The following DMBT1 variants were observed in gnomAD, a reference collection of about 807,000 sequenced individuals.
DMBT1 encodes deleted in malignant brain tumors 1.
DMBT1 carries 198 observed loss-of-function variants against 252.9 expected under a neutral mutation model. The ratio of observed to expected loss-of-function variants is 0.78; its 90% CI spans 0.70 to 0.88. DMBT1 has a LOEUF of 0.88. Ranked by LOEUF, DMBT1 falls within the 40% of genes least tolerant of loss-of-function variation. The pLI, the probability that DMBT1 is intolerant of heterozygous loss-of-function variation, is 0.00. For missense variants in DMBT1, 2,432 were observed against 2,404.7 expected, an observed-to-expected ratio of 1.01 and a Z score of -0.24; for synonymous variants, 990 against 942.7, an observed-to-expected ratio of 1.05 and a Z score of -0.92.
intron 55 of DMBT1, 74 bp from the exon 56 acceptor site, chr10:122,643,048 T>G: frequency 1.3e-6 from 2 of 1,567,704 alleles, no homozygotes; most frequent in Non-Finnish European, 1.7e-6. Context: ...GTGGAGTTCC[T>G]CACCTGGTAC....
At chr10:122,639,238 T>C (rs1035357911) in intron 54 of DMBT1, among the ~76,000 whole-genome samples, 2 of 152,256 alleles carry the variant, frequency 1.3e-5, no homozygotes, top group Non-Finnish European at 2.9e-5. Flanking sequence ...CAAATGATCA[T>C]GTTAATGTAC....
At chr10:122,635,525 A>G (rs2098219565) in intron 52 of DMBT1, among the ~76,000 whole-genome samples, 2 of 152,080 alleles carry the variant, frequency 1.3e-5, no homozygotes, top group African/African-American at 2.4e-5. Flanking sequence ...AAGGATACCT[A>G]TGACTTTCTT....
intron 24 of DMBT1, among the ~76,000 whole-genome samples, chr10:122,597,673 G>A (rs1472413476): frequency 1.3e-5 from 2 of 152,204 alleles, no homozygotes; most frequent in Admixed American, 6.5e-5. Flanking sequence ...TAGAGTGTCA[G>A]CAATGGTGTT....
chr10:122,597,518 G>C (rs945829473), intron 24 of DMBT1, among the ~76,000 whole-genome samples: 2 of 152,192 alleles, frequency 1.3e-5, no homozygotes, highest in African/African-American at 4.8e-5. Flanking sequence ...AGATTCTGCA[G>C]GGCTACATGT....
At chr10:122,619,021 C>G (rs999925697) in intron 41 of DMBT1, among the ~76,000 whole-genome samples, 2 of 152,214 alleles carry the variant, frequency 1.3e-5, no homozygotes, top group Non-Finnish European at 2.9e-5. Context: ...CTTGCTGACT[C>G]AGGAACTGCC....
chr10:122,640,269 C>T lies in DMBT1; in HGVS notation c.7172C>T (p.Ser2391Phe), dbSNP rs267602398. The T allele has an allele frequency of 1.2e-6, 2 of 1,614,010 alleles. No individual in the cohort carries two copies. The highest frequency in any genetic ancestry group is 1.7e-6 in the Non-Finnish European group (2 of 1,179,896). The change falls in exon 55 of 56, where the codon TCC (serine) becomes TTC (phenylalanine). Residue 2391 changes from serine to phenylalanine, a missense_variant. Coordinates refer to ENST00000338354, the MANE Select transcript of DMBT1 (RefSeq NM_001377530.1). ...NFDVNISFYT[S>F]SSFLYPVTSR... is the part of the protein sequence containing the mutation. ...GACGTGAACATTTCCTTTTATACTTCCTCATCTTTCTTGTATCCTGTGACC... is the reference window on the plus strand; with the variant it reads ...GACGTGAACATTTCCTTTTATACTTTCTCATCTTTCTTGTATCCTGTGACC...
Position 122,573,628 on chromosome 10 carries a change from C to T in DMBT1, c.236-87C>T, listed in dbSNP as rs73359677. On this transcript the variant is annotated intron_variant, in intron 5 of 55. Coordinates refer to ENST00000338354, the MANE Select transcript of DMBT1 (RefSeq NM_001377530.1). The stretch of plus-strand genomic sequence containing the variant: ...TGCCCTTAGGACCTGTGCTTCCAGC[C>T]CTTGCTTCAGAGCTGAGCAAGCCCT... The T allele has an allele frequency of 1.2e-3, 1,868 of 1,496,424 alleles. 18 individuals carry two copies. In the African/African-American group the frequency reaches 0.023, roughly 18 times the overall value. The allele number at this position is 1,496,424 out of a possible 1,614,324, so 92.7% of individuals were successfully genotyped here. A position where few individuals can be genotyped will look rare whatever the true frequency, so the allele number is the denominator to read the frequency against.
At chr10:122,561,599 A>G (rs2097546978) in intron 1 of DMBT1, among the ~76,000 whole-genome samples, 1 of 65,822 alleles carries the variant, frequency 1.5e-5, no homozygotes, top group African/African-American at 4.7e-5. Context: ...TCTCTTATCT[A>G]TTGTGTAGTT....
rs776074477 is a variant in DMBT1 at position 122,643,467 on chromosome 10, C to G, written c.*69C>G. On this transcript the variant is annotated 3_prime_UTR_variant, in exon 56 of 56. Transcript: ENST00000338354. ...TGACTCGGGGACTTGGGATGTTCCT[C>G]TTGGTGTCATATTCCAACTCAGATT... The G allele has an allele frequency of 2.3e-5, 35 of 1,524,146 alleles. No individual in the cohort carries two copies. Among genetic ancestry groups the G allele is most frequent in the Middle Eastern group, 2.3e-4 (1 of 4,432 alleles). 94.4% of individuals were successfully genotyped at this position (1,524,146 alleles called of 1,614,324 possible).
At chr10:122,642,664 T>C (rs762663568) in intron 55 of DMBT1, among the ~76,000 whole-genome samples, 28 of 152,052 alleles carry the variant, frequency 1.8e-4, no homozygotes, top group Non-Finnish European at 2.8e-4. Context: ...GTCAGGGCAC[T>C]GTACTCAGAG....
chr10:122,572,239 C>T, intron 4 of DMBT1, 75 bp from the exon 5 acceptor site: 4 of 1,589,174 alleles, frequency 2.5e-6, no homozygotes, highest in Non-Finnish European at 2.6e-6. Context: ...TTGCTTCAGA[C>T]CTGAGGAAGC....
intron 4 of DMBT1, 37 bp downstream of exon 4, chr10:122,570,974 A>AC: frequency 6.3e-7 from 1 of 1,594,956 alleles, no homozygotes; most frequent in East Asian, 2.2e-5. Context: ...TGGGCTCATT[A>AC]CCCCACTGCA....
At chr10:122,631,406 C>T (rs1034316496) in intron 49 of DMBT1, 125 bp downstream of exon 49, 131 of 1,237,838 alleles carry the variant, frequency 1.1e-4, no homozygotes, top group South Asian at 8.5e-5. Flanking sequence ...TCGTGGCCTG[C>T]GCACTCCAGA....
intron 47 of DMBT1, 29 bp from the exon 48 acceptor site, chr10:122,630,259 G>A (rs1288343536): frequency 6.3e-7 from 1 of 1,599,222 alleles, no homozygotes; most frequent in East Asian, 2.2e-5. Flanking sequence ...GAATTTCAAT[G>A]TTGACTTGAA....
At position 122,643,217 on chromosome 10, in the gene DMBT1, C is replaced by A. The variant is rs1223135085; in HGVS notation, c.7448C>A (p.Pro2483His). The change falls in exon 56 of 56, where the codon CCC becomes CAC. Residue 2483 changes from proline to histidine, a missense_variant. Pro to His is a moderately conservative substitution (Grantham distance 77). Around this residue, in one of 3 missense-constraint regions of DMBT1, gnomAD observed 1,162 missense variants for 1,169.0 expected, o/e 0.99. Coordinates refer to ENST00000338354, the MANE Select transcript of DMBT1 (RefSeq NM_001377530.1). ...FRAFHFLNRF[P>H]SVYLRCKMVV... ...GCCTTCCACTTCCTGAACCGCTTCCCCTCCGTGTACCTGCGTTGTAAAATG... is the reference window on the plus strand; with the variant it reads ...GCCTTCCACTTCCTGAACCGCTTCCACTCCGTGTACCTGCGTTGTAAAATG... 1 of 1,613,880 alleles carries A rather than the reference C, an allele frequency of 6.2e-7. No homozygotes were observed. The highest frequency in any genetic ancestry group is 1.3e-5 in the African/African-American group (1 of 74,928).
Position 122,598,001 on chromosome 10 carries a change from C to T in DMBT1, c.2945C>T (p.Ala982Val), listed in dbSNP as rs753099351. The change falls in exon 25 of 56, where the codon GCA becomes GTA. Residue 982 changes from alanine (A) to valine (V), a missense_variant. Physicochemically the swap from Ala to Val is moderately conservative, Grantham distance 64 (BLOSUM62 0). Transcript: ENST00000338354. ...ACATTGCCGACCATCACCTTGCCTGCATCGACAGTAGGTAAATATTCCTCT... is the reference window on the plus strand; with the variant it reads ...ACATTGCCGACCATCACCTTGCCTGTATCGACAGTAGGTAAATATTCCTCT... ...PDTLPTITLP[A>V]STVGSESSLA... is the part of the protein sequence containing the mutation. The T allele has an allele frequency of 3.7e-6, 6 of 1,613,908 alleles. No homozygotes were observed. In the African/African-American group the frequency reaches 8.0e-5, roughly 22 times the overall value.
At position 122,591,483 on chromosome 10, in the gene DMBT1, G is replaced by T; in HGVS notation, c.2142G>T (p.Thr714=). The T allele has an allele frequency of 4.4e-6, 7 of 1,587,216 alleles. 1 individual carries two copies. The highest frequency in any genetic ancestry group is 1.2e-5 in the South Asian group (1 of 86,762). ...TGTCTTTGTTGCAATTTACAGACAC[G>T]TTGTCGACCATCACGTTACCTCCAT... ...AQSRSTPRPD[T]LSTITLPPST... is the part of the protein sequence containing the mutation. Residue 714 remains threonine (T), a synonymous_variant, in exon 19 of 56, where the codon ACG becomes ACT. Transcript: ENST00000338354.
At position 122,598,998 on chromosome 10, in the gene DMBT1, C is replaced by G. The variant is rs768718263; in HGVS notation, c.3181C>G (p.Arg1061Gly). The G allele has an allele frequency of 1.9e-6, 3 of 1,613,748 alleles. No individual in the cohort carries two copies. Among genetic ancestry groups the G allele is most frequent in the South Asian group, 1.1e-5 (1 of 91,068 alleles). The change falls in exon 26 of 56, where the codon CGC becomes GGC. Residue 1061 changes from arginine to glycine, a missense_variant. Transcript: ENST00000338354. ...GSGPIVLDDVRCSGHESYLWS... is the reference protein window; with the variant it reads ...GSGPIVLDDVGCSGHESYLWS... ...AGGACCCATTGTCCTGGATGATGTGCGCTGCTCAGGACACGAGTCTTACCT... is the reference window on the plus strand; with the variant it reads ...AGGACCCATTGTCCTGGATGATGTGGGCTGCTCAGGACACGAGTCTTACCT...
Position 122,599,011 on chromosome 10 carries a change from A to T in DMBT1, c.3194A>T (p.His1065Leu). ...IVLDDVRCSGHESYLWSCPHN... is the reference protein window; with the variant it reads ...IVLDDVRCSGLESYLWSCPHN... The stretch of plus-strand genomic sequence containing the variant: ...CTGGATGATGTGCGCTGCTCAGGAC[A>T]CGAGTCTTACCTGTGGAGCTGCCCC... Residue 1065 changes from histidine to leucine, a missense_variant, in exon 26 of 56, where the codon CAC becomes CTC. His to Leu is a moderately conservative substitution (Grantham distance 99). Around this residue, in one of 3 missense-constraint regions of DMBT1, gnomAD observed 1,264 missense variants for 1,082.2 expected, o/e 1.17. Transcript: ENST00000338354. The T allele has an allele frequency of 6.2e-7, 1 of 1,613,802 alleles. No homozygotes were observed. The highest frequency in any genetic ancestry group is 1.1e-5 in the South Asian group (1 of 91,070).
Sources: allele counts gnomAD v4.1 joint callset (sites outside exome capture counted in the v4.1 genomes callset), GRCh38; gene constraint gnomAD v4.1.1; regional missense constraint gnomAD v4.1.1; transcripts MANE v1.5; gene names NCBI Gene and HGNC (gene_info 2026-07-23, HGNC 2026-07-21).